Variants in GALNT16 observed in about 807,000 individuals in gnomAD.
GALNT16 encodes the protein polypeptide N-acetylgalactosaminyltransferase 16.
In GALNT16, 40 loss-of-function variants were observed where a neutral mutation model predicts 76.1. The ratio of observed to expected loss-of-function variants is 0.53; its 90% CI spans 0.41 to 0.68. GALNT16 has a LOEUF of 0.68. Ranked by LOEUF, GALNT16 falls within the 30% of genes least tolerant of loss-of-function variation. The pLI, the probability that GALNT16 is intolerant of heterozygous loss-of-function variation, is 0.00. For synonymous variants in GALNT16, 276 were observed against 285.2 expected (o/e 0.97, Z 0.32); for missense variants, 621 against 731.9 (o/e 0.85, Z 1.75).
At chr14:69,376,197 T>C in the GALNT16 span, among the ~76,000 whole-genome samples, 1 of 152,186 alleles carries the variant, frequency 6.6e-6, no homozygotes, top group Non-Finnish European at 1.5e-5. Context: ...CCACCACACC[T>C]GGCCTAAGAT....
chr14:69,278,726 G>A (rs1036344725), intron 1 of GALNT16, among the ~76,000 whole-genome samples: 2 of 152,162 alleles, frequency 1.3e-5, no homozygotes, highest in Non-Finnish European at 2.9e-5. Flanking sequence ...CAAATGTGTT[G>A]TCCGTGTTTC....
chr14:69,308,479 ATATT>A (rs1302129175), intron 1 of GALNT16, among the ~76,000 whole-genome samples: 1 of 152,220 alleles, frequency 6.6e-6, no homozygotes, highest in Non-Finnish European at 1.5e-5. Context: ...CACACTGTAT[ATATT>A]TATTTCTTCT....
chr14:69,260,140 C>T, upstream of GALNT16: 2 of 138,400 alleles, frequency 1.4e-5, no homozygotes, highest in Non-Finnish European at 3.1e-5. Flanking sequence ...CCTATCACCC[C>T]CCCGCCCCCC....
chr14:69,284,312 G>T (rs2044581599), intron 1 of GALNT16, among the ~76,000 whole-genome samples: 1 of 152,208 alleles, frequency 6.6e-6, no homozygotes, highest in Non-Finnish European at 1.5e-5. Context: ...AGGAGAGAGA[G>T]ATCAATGCAC....
At chr14:69,370,275 G>A in the GALNT16 span, among the ~76,000 whole-genome samples, 1 of 152,190 alleles carries the variant, frequency 6.6e-6, no homozygotes, top group South Asian at 2.1e-4. Flanking sequence ...CAAGCAACCA[G>A]ACAAGTCGTC....
the GALNT16 span, among the ~76,000 whole-genome samples, chr14:69,363,701 TGA>T: frequency 2.3e-5 from 3 of 127,810 alleles, no homozygotes; most frequent in African/African-American, 8.5e-5. Flanking sequence ...ATGAATGGAA[TGA>T]GGCTCTGTTG....
At chr14:69,283,819 T>C (rs928262682) in intron 1 of GALNT16, among the ~76,000 whole-genome samples, 11 of 152,206 alleles carry the variant, frequency 7.2e-5, no homozygotes, top group Non-Finnish European at 1.6e-4. Flanking sequence ...TGCTTTCTCG[T>C]CTTCCCTGTG....
At position 69,333,084 on chromosome 14, in the gene GALNT16, G is replaced by A; in HGVS notation, c.779-1G>A. 6.2e-7 allele frequency: 1 copy of A among 1,611,514 alleles called. No individual in the cohort carries two copies. The highest frequency in any genetic ancestry group is 8.5e-7 in the Non-Finnish European group (1 of 1,177,646). ...TGTCCTCACCTTGCTGTGTCCCTTA[G>A]GGTTCGACTGGAGCCTGCATTTCAA... On this transcript the variant is annotated splice_acceptor_variant, in intron 7 of 14. Transcript: ENST00000448469. LOFTEE classifies it high-confidence loss of function. The surrounding 1 kb of genome is among the most constrained non-coding windows in gnomAD (Gnocchi z 4.2).
chr14:69,371,810 G>T, the GALNT16 span, among the ~76,000 whole-genome samples: 1 of 151,828 alleles, frequency 6.6e-6, no homozygotes, highest in Admixed American at 6.6e-5. Flanking sequence ...CGGGCGTGGT[G>T]GCGTGAGCTT....
intron 7 of GALNT16, among the ~76,000 whole-genome samples, 193 bp from the exon 8 acceptor site, chr14:69,332,892 T>C (rs1056480032): frequency 6.6e-6 from 1 of 152,060 alleles, no homozygotes; most frequent in Non-Finnish European, 1.5e-5. Flanking sequence ...TATTTATCTT[T>C]GTAGCTTCTG....
chr14:69,264,369 T>C (rs192542538), intron 1 of GALNT16, among the ~76,000 whole-genome samples: 2 of 152,322 alleles, frequency 1.3e-5, no homozygotes, highest in Admixed American at 1.3e-4. Context: ...GATAAGCAGA[T>C]GATAGCTCCA....
chr14:69,278,121 C>T (rs961543377), intron 1 of GALNT16, among the ~76,000 whole-genome samples: 1 of 151,950 alleles, frequency 6.6e-6, no homozygotes, highest in Non-Finnish European at 1.5e-5. Flanking sequence ...TATCTACCCA[C>T]CTCAGCCTCA....
Position 69,260,236 on chromosome 14 carries a change from C to G in GALNT16, c.-55C>G, listed in dbSNP as rs1390032056. The G allele has an allele frequency of 3.3e-6, 5 of 1,505,806 alleles. No individual in the cohort carries two copies. Among genetic ancestry groups the G allele is most frequent in the East Asian group, 4.6e-5 (2 of 43,922 alleles). 93.3% of individuals were successfully genotyped at this position (1,505,806 alleles called of 1,614,324 possible). On this transcript the variant is annotated 5_prime_UTR_variant, in exon 1 of 15. Coordinates refer to ENST00000448469, the MANE Select transcript of GALNT16 (RefSeq NM_001168368.2). ...GCTGGGGCTGCGAGCGCCCCCGCCC[C>G]GGCCCCGAGAGCACGCCGGCCCAGT...
In GALNT16 at chr14:69,315,046, G is replaced by A. The variant is rs1256961012; in HGVS notation, c.178-5665G>A. 5.9e-5 allele frequency among the ~76,000 whole-genome samples: 9 copies of A among 152,268 alleles called. No individual in the cohort carries two copies. In the South Asian group the frequency reaches 8.3e-4, roughly 14 times the overall value. On this transcript the variant is annotated intron_variant, in intron 1 of 14. Transcript: ENST00000448469. ...AAAGTTTACAAGGCTTGGAGATTTG[G>A]ACTGAACTGTTTTTGATGAAAATGA... is the stretch of plus-strand genomic sequence containing the variant.
chr14:69,302,912 A>G (rs2044874274), intron 1 of GALNT16, among the ~76,000 whole-genome samples: 1 of 152,214 alleles, frequency 6.6e-6, no homozygotes. Flanking sequence ...CTTATCTGAA[A>G]TTTTAATTTA....
chr14:69,363,960 T>C, the GALNT16 span, among the ~76,000 whole-genome samples: 1 of 152,092 alleles, frequency 6.6e-6, no homozygotes, highest in East Asian at 1.9e-4. Flanking sequence ...CCACTAGAGG[T>C]TCCCTGAGTG....
Position 69,310,767 on chromosome 14 carries a change from G to A in GALNT16, c.178-9944G>A, listed in dbSNP as rs181068169. ...GGTTTTTTCTGTCTAAAAAAAATTA[G>A]GGCTGGGTGCGGTGGCTCACACCTG... On this transcript the variant is annotated intron_variant, in intron 1 of 14. Transcript: ENST00000448469. 2.3e-3 allele frequency among the ~76,000 whole-genome samples: 346 copies of A among 152,054 alleles called. 1 individual carries two copies. Among genetic ancestry groups the A allele is most frequent in the Middle Eastern group, 0.017 (5 of 294 alleles).
At chr14:69,382,707 C>T in the GALNT16 span, among the ~76,000 whole-genome samples, 625 of 150,662 alleles carry the variant, frequency 4.1e-3, 6 homozygotes, top group African/African-American at 0.014. Context: ...GGCGTGGTGG[C>T]GCGCACCTGT....
intron 1 of GALNT16, among the ~76,000 whole-genome samples, chr14:69,275,630 G>A (rs548708971): frequency 1.3e-5 from 2 of 152,366 alleles, no homozygotes; most frequent in Admixed American, 6.5e-5. Flanking sequence ...ACTGAGGCAG[G>A]AGGACTGGTT....
Sources: allele counts gnomAD v4.1 joint callset (sites outside exome capture counted in the v4.1 genomes callset), GRCh38; gene constraint gnomAD v4.1.1; non-coding constraint Gnocchi (gnomAD v3.1); transcripts MANE v1.5; gene names NCBI Gene and HGNC (gene_info 2026-07-23, HGNC 2026-07-21).